CACNG3: variants seen among roughly 807,000 people sequenced by gnomAD.
CACNG3 encodes the protein calcium voltage-gated channel auxiliary subunit gamma 3.
A neutral mutation model predicts 28.5 loss-of-function variants in CACNG3; 3 were observed. The observed-to-expected ratio is 0.11, with a 90% confidence interval of 0.05 to 0.27. CACNG3 has a LOEUF of 0.27. Ranked by LOEUF, CACNG3 falls within the 10% of genes least tolerant of loss-of-function variation. The pLI is 1.00. For missense variants in CACNG3, 236 were observed against 414.4 expected, an observed-to-expected ratio of 0.57 and a Z score of 3.74; for synonymous variants, 174 against 162.2, an observed-to-expected ratio of 1.07 and a Z score of -0.55.
chr16:24,328,597 G>A (rs965696852), intron 1 of CACNG3, among the ~76,000 whole-genome samples: 15 of 150,392 alleles, frequency 1.0e-4, no homozygotes, highest in Admixed American at 9.9e-4. Context: ...AATAAACTAG[G>A]CAATAAATAT....
intron 1 of CACNG3, among the ~76,000 whole-genome samples, chr16:24,265,869 C>A (rs1381881414): frequency 6.6e-6 from 1 of 152,182 alleles, no homozygotes; most frequent in Admixed American, 6.5e-5. Flanking sequence ...TATTTACTAT[C>A]TTGCCTTTTC....
At chr16:24,335,665 A>G (rs939210929) in intron 1 of CACNG3, among the ~76,000 whole-genome samples, 1 of 152,164 alleles carries the variant, frequency 6.6e-6, no homozygotes, top group Non-Finnish European at 1.5e-5. Context: ...TCCTCAGCTC[A>G]TCCTATGACC....
Position 24,317,627 on chromosome 16 carries a change from ACAGACAG to A in CACNG3, c.212-29106_212-29100del, listed in dbSNP as rs1359372381. Among the ~76,000 whole-genome samples the A allele has an allele frequency of 2.6e-3, 114 of 44,404 alleles. 2 individuals carry two copies. Among genetic ancestry groups the A allele is most frequent in the African/African-American group, 7.8e-3 (82 of 10,564 alleles). 29.1% of individuals were successfully genotyped at this position (44,404 alleles called of 152,430 possible). ...GAAAGAAAGAAAGAAAGAAAGAAAG[ACAGACAG>A]AAAGAAAGAAAAGAAAAGAAAGAAA... On this transcript the variant is annotated intron_variant, in intron 1 of 3. Transcript: ENST00000005284.
At chr16:24,302,467 T>G (rs1567213742) in intron 1 of CACNG3, among the ~76,000 whole-genome samples, 1 of 152,090 alleles carries the variant, frequency 6.6e-6, no homozygotes, top group African/African-American at 2.4e-5. Flanking sequence ...TATTTTTTTA[T>G]TTTTTGAGAT....
chr16:24,257,567 C>T (rs1898483851), intron 1 of CACNG3, among the ~76,000 whole-genome samples: 1 of 152,130 alleles, frequency 6.6e-6, no homozygotes, highest in African/African-American at 2.4e-5. Flanking sequence ...TATGTAAACC[C>T]CTACTCCCAC....
chr16:24,341,826 G>T (rs1157150783), intron 1 of CACNG3, among the ~76,000 whole-genome samples: 1 of 152,172 alleles, frequency 6.6e-6, no homozygotes, highest in Non-Finnish European at 1.5e-5. Flanking sequence ...CAACTGGAGA[G>T]TTTACACCCA....
At chr16:24,285,042 G>T (rs1024996490) in intron 1 of CACNG3, among the ~76,000 whole-genome samples, 11 of 150,958 alleles carry the variant, frequency 7.3e-5, no homozygotes, top group Non-Finnish European at 1.5e-5. Flanking sequence ...AAGACACTCA[G>T]AGTGTGACCT....
At chr16:24,331,544 C>T (rs1037463733) in intron 1 of CACNG3, among the ~76,000 whole-genome samples, 1 of 152,204 alleles carries the variant, frequency 6.6e-6, no homozygotes. Flanking sequence ...TCCTGCTCCT[C>T]CACAAGTTCC....
At chr16:24,336,091 G>A (rs1246022293) in intron 1 of CACNG3, among the ~76,000 whole-genome samples, 1 of 151,698 alleles carries the variant, frequency 6.6e-6, no homozygotes, top group Non-Finnish European at 1.5e-5. Flanking sequence ...CAATTTTGGT[G>A]GCATGCACCT....
rs541288605 is a variant in CACNG3, at chr16:24,269,863, GT to G, written c.211+12909del. Among the ~76,000 whole-genome samples, 1,234 of 144,174 alleles carry G rather than the reference GT, an allele frequency of 8.6e-3. 12 individuals are homozygous for G. The highest frequency in any genetic ancestry group is 0.028 in the African/African-American group (1,102 of 39,734). 94.6% of individuals were successfully genotyped at this position (144,174 alleles called of 152,430 possible). ...AATCTGTGTTATTTGTTCATTTGTT[GT>G]TTTTTTTTTTCCATTTTATCCACGA... On this transcript the variant is annotated intron_variant, in intron 1 of 3. Coordinates refer to ENST00000005284, the MANE Select transcript of CACNG3 (RefSeq NM_006539.4).
chr16:24,272,090 T>C (rs1898697966), intron 1 of CACNG3, among the ~76,000 whole-genome samples: 1 of 146,536 alleles, frequency 6.8e-6, no homozygotes, highest in Non-Finnish European at 1.5e-5. Flanking sequence ...TTATACATTT[T>C]CTCTCTCTCT....
chr16:24,269,422 A>C (rs1898655233), intron 1 of CACNG3, among the ~76,000 whole-genome samples: 1 of 152,204 alleles, frequency 6.6e-6, no homozygotes, highest in African/African-American at 2.4e-5. Flanking sequence ...TTTACAATTC[A>C]GCAGCCTGTA....
At chr16:24,264,608 G>A (rs559795234) in intron 1 of CACNG3, among the ~76,000 whole-genome samples, 36 of 152,332 alleles carry the variant, frequency 2.4e-4, no homozygotes, top group East Asian at 2.3e-3. Flanking sequence ...TTACAGCCTC[G>A]CCCAGCTAAG....
chr16:24,274,579 A>G (rs1054241766), intron 1 of CACNG3, among the ~76,000 whole-genome samples: 1 of 152,194 alleles, frequency 6.6e-6, no homozygotes, highest in Non-Finnish European at 1.5e-5. Flanking sequence ...GACTGAGGCA[A>G]AGCCAGTGAT....
At chr16:24,359,517 G>A (rs554881130) in intron 3 of CACNG3, among the ~76,000 whole-genome samples, 2 of 152,220 alleles carry the variant, frequency 1.3e-5, no homozygotes, top group South Asian at 4.1e-4. Context: ...GCAAATTTTA[G>A]CCCTGTACTC....
At chr16:24,317,921 A>C (rs1899408543) in intron 1 of CACNG3, among the ~76,000 whole-genome samples, 1 of 152,140 alleles carries the variant, frequency 6.6e-6, no homozygotes, top group Admixed American at 6.5e-5. Context: ...GGGCCTGTGC[A>C]CTTGCTGGTC....
At position 24,346,820 on chromosome 16, in the gene CACNG3, A is replaced by G; in HGVS notation, c.295+3A>G. On this transcript the variant is annotated splice_donor_region_variant and intron_variant, in intron 2 of 3. Coordinates refer to ENST00000005284, the MANE Select transcript of CACNG3 (RefSeq NM_006539.4). ...GGACACAGCCGAATATCTCCTGCGT[A>G]AGTTCCCCGGCTTCTCGGGTCTCTC... is the stretch of plus-strand genomic sequence containing the variant. 1 of 1,612,990 alleles carries G rather than the reference A, an allele frequency of 6.2e-7. No individual in the cohort carries two copies. Among genetic ancestry groups the G allele is most frequent in the Non-Finnish European group, 8.5e-7 (1 of 1,178,992 alleles).
At chr16:24,303,630 T>A in intron 1 of CACNG3, among the ~76,000 whole-genome samples, 1 of 152,244 alleles carries the variant, frequency 6.6e-6, no homozygotes, top group East Asian at 1.9e-4. Flanking sequence ...TGTATTTGCT[T>A]GCGAAGTGGT....
intron 1 of CACNG3, among the ~76,000 whole-genome samples, chr16:24,288,205 G>A (rs144266543): frequency 2.0e-5 from 3 of 152,064 alleles, no homozygotes; most frequent in Admixed American, 1.3e-4. Flanking sequence ...GATGGTGATG[G>A]TGATGATGAT....
Sources: allele counts gnomAD v4.1 joint callset (sites outside exome capture counted in the v4.1 genomes callset), GRCh38; gene constraint gnomAD v4.1.1; transcripts MANE v1.5; gene names NCBI Gene and HGNC (gene_info 2026-07-23, HGNC 2026-07-21).